The following BMPR2 variants were observed in gnomAD, a reference collection of about 807,000 sequenced individuals.
The protein encoded by BMPR2 is bone morphogenetic protein receptor type-2.
In BMPR2, 29 loss-of-function variants were observed where a neutral mutation model predicts 100.8. The observed-to-expected ratio is 0.29, with a 90% CI of 0.21 to 0.39. BMPR2 has a LOEUF of 0.39. Among genes scored for constraint, BMPR2 ranks in the 10% least tolerant of loss-of-function variants. BMPR2 has a pLI of 1.00. For synonymous variants in BMPR2, 382 were observed against 442.3 expected (o/e 0.86, Z 1.71); for missense variants, 1,011 against 1,274.5 (o/e 0.79, Z 3.15).
chr2:202,520,362 A>G, intron 7 of BMPR2, 161 bp downstream of exon 7: 1 of 670,242 alleles, frequency 1.5e-6, no homozygotes, highest in Non-Finnish European at 2.6e-6. Context: ...TTGAAATGTA[A>G]CAGAAAGAGC....
chr2:202,548,602 A>G (rs963582556), intron 10 of BMPR2, among the ~76,000 whole-genome samples: 1 of 152,154 alleles, frequency 6.6e-6, no homozygotes, highest in African/African-American at 2.4e-5. Flanking sequence ...CACTGAGCTG[A>G]TTTTATGACC....
chr2:202,431,733 G>C (rs184839628), intron 1 of BMPR2, among the ~76,000 whole-genome samples: 24 of 150,530 alleles, frequency 1.6e-4, no homozygotes, highest in Admixed American at 1.4e-3. Flanking sequence ...TATAACCTAG[G>C]TGTGTAGTAG....
chr2:202,385,522 T>C (rs1367552095), intron 1 of BMPR2, among the ~76,000 whole-genome samples: 1 of 151,618 alleles, frequency 6.6e-6, no homozygotes, highest in Non-Finnish European at 1.5e-5. Flanking sequence ...TGCGCCACCA[T>C]GTCCGGCTAG....
chr2:202,552,890 T>C lies in BMPR2; in HGVS notation c.1586+2T>C. The C allele has an allele frequency of 6.2e-7, 1 of 1,614,184 alleles. No homozygotes were observed. Reference sequence around the variant, plus strand: ...GTCTACTGCTATGCAGAATGAACGGTAAGACCCTAAGGGGTGTGGCATCTA... The same window carrying C: ...GTCTACTGCTATGCAGAATGAACGGCAAGACCCTAAGGGGTGTGGCATCTA... On this transcript the variant is annotated splice_donor_variant, in intron 11 of 12. Transcript: ENST00000374580. LOFTEE classifies it high-confidence loss of function.
At chr2:202,453,076 G>A (rs879827202) in intron 1 of BMPR2, among the ~76,000 whole-genome samples, 5 of 152,126 alleles carry the variant, frequency 3.3e-5, no homozygotes, top group Non-Finnish European at 7.3e-5. Flanking sequence ...GATTATGTAG[G>A]TCCTTGTACA....
At chr2:202,536,602 G>T (rs1442457162) in intron 9 of BMPR2, among the ~76,000 whole-genome samples, 1 of 151,866 alleles carries the variant, frequency 6.6e-6, no homozygotes, top group Non-Finnish European at 1.5e-5. Context: ...GCCGGGTGCG[G>T]TGGCTCACGC....
intron 3 of BMPR2, among the ~76,000 whole-genome samples, chr2:202,477,718 C>T (rs1433769815): frequency 6.6e-6 from 1 of 151,986 alleles, no homozygotes; most frequent in African/African-American, 2.4e-5. Context: ...ACCTAAGAGG[C>T]GGAGGTTGCA....
rs144027512 is a variant in BMPR2 at position 202,524,703 on chromosome 2, A to T, written c.967+4502A>T. Among the ~76,000 whole-genome samples the T allele has an allele frequency of 3.2e-3, 486 of 152,242 alleles. 2 individuals are homozygous for T. The highest frequency in any genetic ancestry group is 0.011 in the African/African-American group (471 of 41,550). ...GGTTACAGTGAGCCAAGATCTCGCC[A>T]CTGCACTCCAGCCTGGGCAGCAGAC... On this transcript the variant is annotated intron_variant, in intron 7 of 12. Transcript: ENST00000374580.
In BMPR2 at chr2:202,506,259, T is replaced by C. The variant is rs190601877; in HGVS notation, c.419-7460T>C. Among the ~76,000 whole-genome samples the C allele has an allele frequency of 3.6e-3, 548 of 152,082 alleles. 5 individuals carry two copies. The highest frequency in any genetic ancestry group is 5.3e-3 in the Non-Finnish European group (361 of 68,010). ...GCAACCTCCGCTTCTTGGGTTCAAG[T>C]GATTCTCCTGCCTCAGCCTCCCAAG... On this transcript the variant is annotated intron_variant, in intron 3 of 12. Coordinates refer to ENST00000374580, the MANE Select transcript of BMPR2 (RefSeq NM_001204.7).
rs1472238571 is a variant in BMPR2, at chr2:202,377,007, G to GCGC, written c.-457_-455dup. 2.2e-6 allele frequency: 1 copy of GCGC among 463,992 alleles called. No homozygotes were observed. Among genetic ancestry groups the GCGC allele is most frequent in the Non-Finnish European group, 3.8e-6 (1 of 265,498 alleles). The allele number at this position is 463,992 out of a possible 1,614,324, so 28.7% of individuals were successfully genotyped here. On this transcript the variant is annotated 5_prime_UTR_variant, in exon 1 of 13. Coordinates refer to ENST00000374580, the MANE Select transcript of BMPR2 (RefSeq NM_001204.7). ...CGGGCGATGCGACTAGGGCTGCCGG[G>GCGC]CGCCGCCGCCGCCCGTCCGGCTTCG...
chr2:202,458,201 C>G (rs1256418978), intron 1 of BMPR2, among the ~76,000 whole-genome samples: 2 of 147,308 alleles, frequency 1.4e-5, no homozygotes, highest in African/African-American at 5.0e-5. Context: ...AATCCCAGCA[C>G]TTCCGGAGGC....
At chr2:202,422,044 G>C (rs1465051359) in intron 1 of BMPR2, among the ~76,000 whole-genome samples, 1 of 152,016 alleles carries the variant, frequency 6.6e-6, no homozygotes, top group Non-Finnish European at 1.5e-5. Context: ...AAGTAGCTGG[G>C]ATAACAGGCA....
intron 1 of BMPR2, among the ~76,000 whole-genome samples, chr2:202,442,069 G>A (rs1315519559): frequency 6.6e-6 from 1 of 150,450 alleles, no homozygotes; most frequent in Non-Finnish European, 1.5e-5. Flanking sequence ...CATTGAAAGT[G>A]GGATAATGGA....
rs541855910 is a variant in BMPR2, at chr2:202,384,935, C to T, written c.76+7385C>T. ...TAAAACCAGATCTCACTTCCCCTTT[C>T]TCCTTCAAGACAGTAGTTTGCCCTT... On this transcript the variant is annotated intron_variant, in intron 1 of 12. Coordinates refer to ENST00000374580, the MANE Select transcript of BMPR2 (RefSeq NM_001204.7). 1.7e-3 allele frequency among the ~76,000 whole-genome samples: 263 copies of T among 152,214 alleles called. 1 individual carries two copies. Among genetic ancestry groups the T allele is most frequent in the Non-Finnish European group, 3.3e-3 (227 of 68,022 alleles).
intron 1 of BMPR2, among the ~76,000 whole-genome samples, chr2:202,450,581 C>T (rs1396507635): frequency 6.7e-6 from 1 of 150,350 alleles, no homozygotes; most frequent in East Asian, 2.0e-4. Flanking sequence ...ATCCCAGCTA[C>T]TTGGGAGGCT....
chr2:202,482,516 G>A (rs1692679205), intron 3 of BMPR2, among the ~76,000 whole-genome samples: 1 of 151,926 alleles, frequency 6.6e-6, no homozygotes, highest in Admixed American at 6.6e-5. Flanking sequence ...TAGGATTACA[G>A]GCACATGACC....
At chr2:202,465,769 C>T (rs1267114262) in intron 2 of BMPR2, among the ~76,000 whole-genome samples, 2 of 151,948 alleles carry the variant, frequency 1.3e-5, no homozygotes, top group Non-Finnish European at 2.9e-5. Context: ...AGGAGAATGG[C>T]ATGAAGCTGG....
At chr2:202,533,987 A>C (rs1365551786) in intron 9 of BMPR2, among the ~76,000 whole-genome samples, 2 of 152,120 alleles carry the variant, frequency 1.3e-5, no homozygotes, top group East Asian at 1.9e-4. Flanking sequence ...TGCTATACAG[A>C]TGATTTGATC....
intron 1 of BMPR2, among the ~76,000 whole-genome samples, chr2:202,439,972 AC>A (rs1456482208): frequency 6.7e-6 from 1 of 150,070 alleles, no homozygotes; most frequent in Non-Finnish European, 1.5e-5. Flanking sequence ...CACATCTTGC[AC>A]CGCCCTTAAT....
Sources: gnomAD v4.1 joint callset for allele counts (sites outside exome capture counted in the v4.1 genomes callset) on GRCh38, gnomAD v4.1.1 for gene constraint, MANE v1.5 for transcripts, NCBI Gene and HGNC (gene_info 2026-07-23, HGNC 2026-07-21) for gene names.